NBEA: variants seen among roughly 807,000 people sequenced by gnomAD.
NBEA encodes lysosomal-trafficking regulator 2.
In NBEA, 44 loss-of-function variants were observed where a neutral mutation model predicts 343.4. The observed-to-expected ratio is 0.13, with a 90% CI of 0.10 to 0.16. The LOEUF (loss-of-function observed/expected upper bound fraction) is 0.16. NBEA is among the 10% of genes least tolerant of loss of function. The probability of loss-of-function intolerance (pLI) is 1.00; values close to 1 mark genes in which losing one functional copy is unlikely to be tolerated. For synonymous variants in NBEA, 1,175 were observed against 1,238.7 expected, an observed-to-expected ratio of 0.95 and a Z score of 1.08; for missense variants, 2,555 against 3,631.3, an observed-to-expected ratio of 0.70 and a Z score of 7.62.
At chr13:35,354,845 C>T (rs576665184) in intron 38 of NBEA, among the ~76,000 whole-genome samples, 1 of 152,250 alleles carries the variant, frequency 6.6e-6, no homozygotes, top group African/African-American at 2.4e-5. Context: ...AAGTCCAGAT[C>T]TCTCCCGTCG....
intron 39 of NBEA, among the ~76,000 whole-genome samples, chr13:35,440,751 A>G (rs1243398345): frequency 3.9e-5 from 6 of 152,186 alleles, no homozygotes; most frequent in Non-Finnish European, 8.8e-5. Flanking sequence ...ATTAGGGGAC[A>G]TGCTAAATAA....
chr13:35,568,038 C>T (rs1299196215), intron 45 of NBEA, among the ~76,000 whole-genome samples: 3 of 152,152 alleles, frequency 2.0e-5, no homozygotes, highest in Non-Finnish European at 4.4e-5. Flanking sequence ...AATAATAATA[C>T]TGTCCCATGT....
chr13:35,192,124 A>T (rs996054252), intron 30 of NBEA, among the ~76,000 whole-genome samples: 12 of 152,068 alleles, frequency 7.9e-5, no homozygotes, highest in Non-Finnish European at 1.8e-4. Context: ...GATAAGAGCT[A>T]TTGAAAACTT....
At chr13:35,314,336 T>C (rs1404194933) in intron 36 of NBEA, among the ~76,000 whole-genome samples, 1 of 152,110 alleles carries the variant, frequency 6.6e-6, no homozygotes, top group Non-Finnish European at 1.5e-5. Flanking sequence ...TTGCTGTCTT[T>C]GATAGTGTAA....
chr13:35,147,226 A>C (rs1330800230), intron 18 of NBEA, among the ~76,000 whole-genome samples: 2 of 152,236 alleles, frequency 1.3e-5, no homozygotes, highest in Non-Finnish European at 2.9e-5. Context: ...CAGAGTCCCC[A>C]GATGACAGAT....
chr13:35,645,114 T>G lies in NBEA; in HGVS notation c.7618-755T>G, dbSNP rs79878954. On this transcript the variant is annotated intron_variant, in intron 49 of 58. Coordinates refer to ENST00000379939, the MANE Select transcript of NBEA (RefSeq NM_001385012.1). The stretch of plus-strand genomic sequence containing the variant: ...AGGAGGACAGATTTTTAAATTTAAG[T>G]ACTTTATAAATTAGAATTGTAGATA... Among the ~76,000 whole-genome samples, 1,203 of 152,342 alleles carry G rather than the reference T, an allele frequency of 7.9e-3. 19 individuals carry two copies. The highest frequency in any genetic ancestry group is 0.027 in the African/African-American group (1,143 of 41,584).
intron 49 of NBEA, among the ~76,000 whole-genome samples, chr13:35,643,506 A>G (rs2084069353): frequency 6.6e-6 from 1 of 152,196 alleles, no homozygotes; most frequent in South Asian, 2.1e-4. Context: ...ACCAGGTTTC[A>G]GTTTTATACA....
intron 1 of NBEA, among the ~76,000 whole-genome samples, chr13:35,015,144 C>A (rs9315328): frequency 0.98 from 106,677 of 108,756 alleles, 52,349 homozygotes; most frequent in East Asian, 1. Flanking sequence ...AAAAAACAAA[C>A]AAAAAAAAAA....
In NBEA at chr13:35,476,321, C is replaced by G. The variant is rs1325844629; in HGVS notation, c.6585+3785C>G. The G allele has an allele frequency of 6.2e-6, 7 of 1,138,164 alleles. No individual in the cohort carries two copies. In the Admixed American group the frequency reaches 1.0e-4, roughly 17 times the overall value. The allele number at this position is 1,138,164 out of a possible 1,614,324, so 70.5% of individuals were successfully genotyped here. On this transcript the variant is annotated intron_variant, in intron 41 of 58. Coordinates refer to ENST00000379939, the MANE Select transcript of NBEA (RefSeq NM_001385012.1). ...CCTGCTGCTGCTGCTGCTGCTGCTGCTGCTGCTGCTGCTGCTGCTGCTGCT... is the reference window on the plus strand; with the variant it reads ...CCTGCTGCTGCTGCTGCTGCTGCTGGTGCTGCTGCTGCTGCTGCTGCTGCT...
intron 27 of NBEA, among the ~76,000 whole-genome samples, chr13:35,173,833 A>G (rs1028199204): frequency 6.6e-6 from 1 of 152,180 alleles, no homozygotes; most frequent in Non-Finnish European, 1.5e-5. Context: ...TCTTACAAAT[A>G]TTATAATTAG....
At chr13:35,335,671 A>C (rs1163320837) in intron 36 of NBEA, among the ~76,000 whole-genome samples, 2 of 152,120 alleles carry the variant, frequency 1.3e-5, no homozygotes, top group Non-Finnish European at 2.9e-5. Flanking sequence ...ATCTGTGTAG[A>C]TTAATTACAC....
At chr13:35,666,671 A>T (rs1383939297) in intron 56 of NBEA, among the ~76,000 whole-genome samples, 1 of 152,180 alleles carries the variant, frequency 6.6e-6, no homozygotes, top group Admixed American at 6.5e-5. Context: ...AAGGGAATAG[A>T]TATATAACAC....
chr13:35,405,439 C>T (rs535159997), intron 38 of NBEA, among the ~76,000 whole-genome samples: 2 of 152,248 alleles, frequency 1.3e-5, no homozygotes, highest in East Asian at 3.9e-4. Flanking sequence ...TATATTCCTT[C>T]TATCAGTTTT....
At chr13:35,152,449 G>C (rs2068851987) in intron 18 of NBEA, among the ~76,000 whole-genome samples, 2 of 152,116 alleles carry the variant, frequency 1.3e-5, no homozygotes, top group Admixed American at 6.5e-5. Context: ...TGCAACAGCA[G>C]GGTTAATAGT....
chr13:35,033,735 A>C lies in NBEA; in HGVS notation c.295-7198A>C, dbSNP rs184370530. 2.0e-5 allele frequency among the ~76,000 whole-genome samples: 3 copies of C among 151,794 alleles called. No homozygotes were observed. In the East Asian group the frequency reaches 5.8e-4, roughly 29 times the overall value. ...GATCTTTCACTTCTTGGAGTACATT[A>C]ACTCCTAGGTATTTAATTTTATGTG... On this transcript the variant is annotated intron_variant, in intron 1 of 58. Transcript: ENST00000379939.
intron 41 of NBEA, among the ~76,000 whole-genome samples, chr13:35,542,335 GTTAA>G (rs1360863466): frequency 6.6e-6 from 1 of 152,074 alleles, no homozygotes; most frequent in African/African-American, 2.4e-5. Context: ...TTGCCTCACA[GTTAA>G]GCCATTTCCA....
intron 17 of NBEA, among the ~76,000 whole-genome samples, chr13:35,138,761 A>G (rs1362409809): frequency 2.0e-5 from 3 of 152,040 alleles, no homozygotes; most frequent in African/African-American, 4.8e-5. Flanking sequence ...CGCTCGGCCA[A>G]TTATGCTCCA....
Position 35,329,243 on chromosome 13 carries a change from A to C in NBEA, c.5903+19651A>C, listed in dbSNP as rs139574469. Among the ~76,000 whole-genome samples, 10 of 152,150 alleles carry C rather than the reference A, an allele frequency of 6.6e-5. No individual in the cohort carries two copies. The East Asian group carries it at 1.9e-3, about 29-fold the overall frequency. On this transcript the variant is annotated intron_variant, in intron 36 of 58. Transcript: ENST00000379939. ...GGGAACACTTATACCATGGTGGTGG[A>C]AGTGCAAAATAGTATACCCACTTGG... is the stretch of plus-strand genomic sequence containing the variant.
At chr13:35,074,757 G>T (rs2064037822) in intron 10 of NBEA, among the ~76,000 whole-genome samples, 1 of 152,048 alleles carries the variant, frequency 6.6e-6, no homozygotes, top group South Asian at 2.1e-4. Context: ...TAGTAAAAAG[G>T]TTACTATAGT....
Sources: allele counts gnomAD v4.1 joint callset (sites outside exome capture counted in the v4.1 genomes callset), GRCh38; gene constraint gnomAD v4.1.1; transcripts MANE v1.5; gene names NCBI Gene and HGNC (gene_info 2026-07-23, HGNC 2026-07-21).